The following HDDC3 variants were observed in gnomAD, a reference collection of about 807,000 sequenced individuals.
HDDC3 encodes guanosine-3',5'-bis(diphosphate) 3'-pyrophosphohydrolase MESH1.
HDDC3 carries 18 observed loss-of-function variants against 19.1 expected under a neutral mutation model. The observed-to-expected ratio is 0.94, with a 90% CI of 0.65 to 1.40. The LOEUF is 1.40. HDDC3 is among the 40% of genes most tolerant of loss of function. HDDC3 has a pLI of 0.00. For synonymous variants in HDDC3, 107 were observed against 99.4 expected (o/e 1.08, Z -0.46); for missense variants, 250 against 228.9 (o/e 1.09, Z -0.59).
intron 1 of HDDC3, 48 bp downstream of exon 1, chr15:90,932,381 C>T: frequency 8.5e-7 from 1 of 1,183,250 alleles, no homozygotes; most frequent in Non-Finnish European, 1.1e-6. Context: ...CTTCCCAGTC[C>T]CCACCACCCA....
Position 90,931,408 on chromosome 15 carries a change from G to T in HDDC3, c.410-3C>A. On this transcript the variant is annotated splice_region_variant and splice_polypyrimidine_tract_variant and intron_variant, in intron 3 of 3. Transcript: ENST00000394272. ...CTGGACTCGATGTTCTGACCATCCT[G>T]CATAAGAGTCGACAGAAACTTGCTA... 2.5e-6 allele frequency: 4 copies of T among 1,589,160 alleles called. No homozygotes were observed. The South Asian group carries it at 4.5e-5, about 18-fold the overall frequency.
Position 90,931,195 on chromosome 15 carries a change from G to C in HDDC3, c.*80C>G. 6.7e-7 allele frequency: 1 copy of C among 1,493,590 alleles called. No individual in the cohort carries two copies. Among genetic ancestry groups the C allele is most frequent in the Non-Finnish European group, 9.1e-7 (1 of 1,099,522 alleles). 92.5% of individuals were successfully genotyped at this position (1,493,590 alleles called of 1,614,324 possible). On this transcript the variant is annotated 3_prime_UTR_variant, in exon 4 of 4. Coordinates refer to ENST00000394272, the MANE Select transcript of HDDC3 (RefSeq NM_001286451.2). ...TGGGAAGGATGGAGGGAGCTCAGGA[G>C]ACACAGAAAAGATGGCGTATGAATC...
At position 90,931,790 on chromosome 15, in the gene HDDC3, G is replaced by C. The variant is rs538623921; in HGVS notation, c.323C>G (p.Ala108Gly). The change falls in exon 3 of 4, where the codon GCG (alanine) becomes GGG (glycine). Residue 108 changes from alanine (A) to glycine (G), a missense_variant. Coordinates refer to ENST00000394272, the MANE Select transcript of HDDC3 (RefSeq NM_001286451.2). ...LERKRLQVEQ[A>G]PHSSPGAKLV... ...TTTGGCCCCGGGGCTACTGTGGGGC[G>C]CTTGCTCCACCTGCAGCCTCTTTCT... 1 of 1,614,106 alleles carries C rather than the reference G, an allele frequency of 6.2e-7. No homozygotes were observed. The highest frequency in any genetic ancestry group is 8.5e-7 in the Non-Finnish European group (1 of 1,180,014).
rs2035773798 is a variant in HDDC3 at position 90,931,121 on chromosome 15, G to A, written c.*154C>T. ...GCGGGGCTCAGCTTAGTTAGCAGGA[G>A]ACCTTCAGACTGAGAAAAAATGCAA... is the stretch of plus-strand genomic sequence containing the variant. On this transcript the variant is annotated 3_prime_UTR_variant, in exon 4 of 4. Transcript: ENST00000394272. The A allele has an allele frequency of 7.0e-6, 6 of 857,606 alleles. No homozygotes were observed. In the South Asian group the frequency reaches 1.1e-4, roughly 15 times the overall value. 53.1% of individuals were successfully genotyped at this position (857,606 alleles called of 1,614,324 possible).
rs2035774768 is a variant in HDDC3 at position 90,931,143 on chromosome 15, G to A, written c.*132C>T. On this transcript the variant is annotated 3_prime_UTR_variant, in exon 4 of 4. Coordinates refer to ENST00000394272, the MANE Select transcript of HDDC3 (RefSeq NM_001286451.2). ...GGAGACCTTCAGACTGAGAAAAAAT[G>A]CAAGTCTTTTTTTGGCCTCTAATAT... 8.9e-7 allele frequency: 1 copy of A among 1,122,880 alleles called. No individual in the cohort carries two copies. Among genetic ancestry groups the A allele is most frequent in the Non-Finnish European group, 1.3e-6 (1 of 794,762 alleles). 69.6% of individuals were successfully genotyped at this position (1,122,880 alleles called of 1,614,324 possible).
Position 90,930,850 on chromosome 15 carries a change from A to T in HDDC3, c.*425T>A, listed in dbSNP as rs537611253. On this transcript the variant is annotated 3_prime_UTR_variant, in exon 4 of 4. Coordinates refer to ENST00000394272, the MANE Select transcript of HDDC3 (RefSeq NM_001286451.2). The stretch of plus-strand genomic sequence containing the variant: ...GGAGGTGACTCCGGGACACACAATT[A>T]GTCCTGCTTTGCTGAAGGAAAGATA... The T allele has an allele frequency of 1.4e-4, 30 of 209,368 alleles. No homozygotes were observed. Among genetic ancestry groups the T allele is most frequent in the Non-Finnish European group, 2.4e-4 (24 of 100,640 alleles). The allele number at this position is 209,368 out of a possible 1,614,324, so 13.0% of individuals were successfully genotyped here. A position where few individuals can be genotyped will look rare whatever the true frequency, so the allele number is the denominator to read the frequency against.
In HDDC3 at chr15:90,932,461, G is replaced by A. The variant is rs143797628; in HGVS notation, c.80C>T (p.Pro27Leu). ...GTGGTTGATGTAGGGGGTCCCCTCG[G>A]GGTCCTTCCGCCGCTGCTGCCGGTG... ...RKHRQQRRKDPEGTPYINHPI... is the reference protein window; with the variant it reads ...RKHRQQRRKDLEGTPYINHPI... Residue 27 changes from proline (P) to leucine (L), a missense_variant, in exon 1 of 4, where the codon CCC becomes CTC. By Grantham distance (98) the Pro-to-Leu change is moderately conservative. Coordinates refer to ENST00000394272, the MANE Select transcript of HDDC3 (RefSeq NM_001286451.2). The A allele has an allele frequency of 4.2e-4, 560 of 1,332,586 alleles. 2 individuals are homozygous for A. The African/African-American group carries it at 6.7e-3, about 16-fold the overall frequency. The allele number at this position is 1,332,586 out of a possible 1,614,324, so 82.5% of individuals were successfully genotyped here.
intron 1 of HDDC3, 109 bp downstream of exon 1, chr15:90,932,320 T>A: frequency 1.2e-6 from 1 of 818,056 alleles, no homozygotes; most frequent in Non-Finnish European, 1.8e-6. Context: ...TATATCGCAC[T>A]AAGCTTGGGA....
chr15:90,931,311 T>C lies in HDDC3; in HGVS notation c.504A>G (p.Leu168=). The change falls in exon 4 of 4, where the codon CTA becomes CTG. Residue 168 remains leucine, a synonymous_variant. Coordinates refer to ENST00000394272, the MANE Select transcript of HDDC3 (RefSeq NM_001286451.2). ...QGTNRQLEEA[L]KHLFKQRGLT... ...GCCCCCGCTGCTTGAACAGATGCTT[T>C]AGAGCCTCTTCCAGTTGCCGGTTTG... is the stretch of plus-strand genomic sequence containing the variant. 1.9e-6 allele frequency: 3 copies of C among 1,551,202 alleles called. No homozygotes were observed. Among genetic ancestry groups the C allele is most frequent in the Non-Finnish European group, 1.7e-6 (2 of 1,147,066 alleles).
In HDDC3 at chr15:90,931,331, G is replaced by A. The variant is rs1480411283; in HGVS notation, c.484C>T (p.Arg162Trp). ...TGCTTTAGAGCCTCTTCCAGTTGCC[G>A]GTTTGTTCCCTGAAGCCCCTTCACC... Reference protein sequence around the residue: ...QVVKGLQGTNRQLEEALKHLF... With the variant: ...QVVKGLQGTNWQLEEALKHLF... Residue 162 changes from arginine (R) to tryptophan (W), a missense_variant, in exon 4 of 4, where the codon CGG becomes TGG. Transcript: ENST00000394272. 3.9e-6 allele frequency: 6 copies of A among 1,551,764 alleles called. No homozygotes were observed. Among genetic ancestry groups the A allele is most frequent in the South Asian group, 1.2e-5 (1 of 84,164 alleles).
In HDDC3 at chr15:90,931,864, C is replaced by T; in HGVS notation, c.249G>A (p.Arg83=). The change falls in exon 3 of 4, where the codon CGG becomes CGA. Residue 83 remains arginine (R), a synonymous_variant. Transcript: ENST00000394272. ...CATCTGTTACCTCCTCCACCAGGCG[C>T]CGCACTTGTGCCCCAAAGTGTAGCT... ...EVELHFGAQV[R]RLVEEVTDDK... The T allele has an allele frequency of 1.2e-6, 2 of 1,614,152 alleles. No homozygotes were observed. The highest frequency in any genetic ancestry group is 1.7e-6 in the Non-Finnish European group (2 of 1,180,028).
At chr15:90,932,553 G>C (rs769788074), upstream of HDDC3, 104 of 1,243,710 alleles carry the variant, frequency 8.4e-5, 1 homozygote, top group Non-Finnish European at 1.0e-4. Flanking sequence ...CGCGGATGGG[G>C]CCGACGACTG....
rs1305078539 is a variant in HDDC3, at chr15:90,931,216, G to A, written c.*59C>T. On this transcript the variant is annotated 3_prime_UTR_variant, in exon 4 of 4. Transcript: ENST00000394272. ...AGGAGACACAGAAAAGATGGCGTAT[G>A]AATCCTGTCCGGCCTGAACGAGGCT... 1 of 1,536,848 alleles carries A rather than the reference G, an allele frequency of 6.5e-7. No individual in the cohort carries two copies. The highest frequency in any genetic ancestry group is 1.4e-5 in the African/African-American group (1 of 72,746).
chr15:90,932,307 C>T (rs1475028668), intron 1 of HDDC3, 122 bp downstream of exon 1: 3 of 796,282 alleles, frequency 3.8e-6, no homozygotes, highest in South Asian at 3.8e-5. Context: ...GAGGCTTAAA[C>T]GGTATATCGC....
In HDDC3 at chr15:90,932,466, C is replaced by A; in HGVS notation, c.75G>T (p.Lys25Asn). ...AARKHRQQRR[K>N]DPEGTPYINH... is the part of the protein sequence containing the mutation. The stretch of plus-strand genomic sequence containing the variant: ...TGATGTAGGGGGTCCCCTCGGGGTC[C>A]TTCCGCCGCTGCTGCCGGTGCTTGC... Residue 25 changes from lysine (K) to asparagine (N), a missense_variant, in exon 1 of 4, where the codon AAG becomes AAT. Physicochemically the swap from Lys to Asn is moderately conservative, Grantham distance 94. Coordinates refer to ENST00000394272, the MANE Select transcript of HDDC3 (RefSeq NM_001286451.2). 7.6e-7 allele frequency: 1 copy of A among 1,323,308 alleles called. No homozygotes were observed. Among genetic ancestry groups the A allele is most frequent in the Admixed American group, 3.6e-5 (1 of 27,562 alleles). 82.0% of individuals were successfully genotyped at this position (1,323,308 alleles called of 1,614,324 possible).
rs570312956 is a variant in HDDC3, at chr15:90,931,451, G to A, written c.410-46C>T. On this transcript the variant is annotated intron_variant, in intron 3 of 3. Transcript: ENST00000394272. ...ACTTGCTAGCGTGATGTCAAGGAAA[G>A]CACTGCCTTTTCCCCACTTCCTGGC... 8.1e-6 allele frequency: 13 copies of A among 1,613,328 alleles called. No homozygotes were observed. In the African/African-American group the frequency reaches 1.5e-4, roughly 18 times the overall value.
Position 90,931,840 on chromosome 15 carries a change from ATC to A in HDDC3, c.271_272del (p.Asp91Ter). ...TCTCCAGCTTGGGCAGAGTCTTGTC[ATC>A]TGTTACCTCCTCCACCAGGCGCCGC... ...QVRRLVEEVT[D>X]DKTLPKLERK... On this transcript the variant is annotated frameshift_variant, in exon 3 of 4. Coordinates refer to ENST00000394272, the MANE Select transcript of HDDC3 (RefSeq NM_001286451.2). LOFTEE classifies it high-confidence loss of function. The A allele has an allele frequency of 6.2e-7, 1 of 1,614,070 alleles. No homozygotes were observed. The highest frequency in any genetic ancestry group is 8.5e-7 in the Non-Finnish European group (1 of 1,180,026).
Position 90,931,115 on chromosome 15 carries a change from G to C in HDDC3, c.*160C>G, listed in dbSNP as rs996785220. ...CACCACGCGGGGCTCAGCTTAGTTA[G>C]CAGGAGACCTTCAGACTGAGAAAAA... On this transcript the variant is annotated 3_prime_UTR_variant, in exon 4 of 4. Coordinates refer to ENST00000394272, the MANE Select transcript of HDDC3 (RefSeq NM_001286451.2). 5 of 810,100 alleles carry C rather than the reference G, an allele frequency of 6.2e-6. No homozygotes were observed. The African/African-American group carries it at 6.9e-5, about 11-fold the overall frequency. 50.2% of individuals were successfully genotyped at this position (810,100 alleles called of 1,614,324 possible).
In HDDC3 at chr15:90,932,544, G is replaced by T; in HGVS notation, c.-4C>A. The stretch of plus-strand genomic sequence containing the variant: ...GCTGCGCCGCCTCAGAGCCCATCGC[G>T]CGGATGGGGCCGACGACTGCGGCCG... On this transcript the variant is annotated 5_prime_UTR_variant, in exon 1 of 4. Transcript: ENST00000394272. The T allele has an allele frequency of 4.0e-6, 5 of 1,255,306 alleles. No individual in the cohort carries two copies. The highest frequency in any genetic ancestry group is 5.0e-6 in the Non-Finnish European group (5 of 998,856). 77.8% of individuals were successfully genotyped at this position (1,255,306 alleles called of 1,614,324 possible).
Sources: gnomAD v4.1 joint callset for allele counts on GRCh38, gnomAD v4.1.1 for gene constraint, MANE v1.5 for transcripts, NCBI Gene and HGNC (gene_info 2026-07-23, HGNC 2026-07-21) for gene names.